TRAPPC8: variants seen among roughly 807,000 people sequenced by gnomAD.
TRAPPC8 encodes the protein trafficking protein particle complex subunit 8.
Under a neutral mutation model 174.3 loss-of-function variants are expected in TRAPPC8, and 54 were observed. The observed-to-expected ratio is 0.31, with a 90% CI of 0.25 to 0.39. TRAPPC8 has a LOEUF of 0.39. TRAPPC8 is among the 10% of genes least tolerant of loss of function. TRAPPC8 has a pLI of 1.00. For synonymous variants in TRAPPC8, 630 were observed against 579.9 expected, an observed-to-expected ratio of 1.09 and a Z score of -1.24; for missense variants, 1,531 against 1,699.1, an observed-to-expected ratio of 0.90 and a Z score of 1.74.
Position 31,933,020 on chromosome 18 carries a change from A to AAAAAAAAAG in TRAPPC8, c.158-1498_158-1497insCTTTTTTTT, listed in dbSNP as rs1568153937. 8.6e-4 allele frequency among the ~76,000 whole-genome samples: 111 copies of AAAAAAAAAG among 128,924 alleles called. 7 individuals are homozygous for AAAAAAAAAG. The highest frequency in any genetic ancestry group is 2.6e-3 in the African/African-American group (84 of 32,702). The allele number at this position is 128,924 out of a possible 152,430, so 84.6% of individuals were successfully genotyped here. ...CTCAAAAAAAAAAAAAAAAAAAAAA[A>AAAAAAAAAG]GCCGGGCGCAGTGGCTCACACCTGT... is the stretch of plus-strand genomic sequence containing the variant. On this transcript the variant is annotated intron_variant, in intron 1 of 28. Coordinates refer to ENST00000283351, the MANE Select transcript of TRAPPC8 (RefSeq NM_014939.5).
intron 21 of TRAPPC8, 132 bp downstream of exon 21, chr18:31,855,528 A>C: frequency 1.4e-6 from 1 of 700,742 alleles, no homozygotes; most frequent in South Asian, 2.2e-5. Context: ...ATGATTTCAT[A>C]CTATTCTACA....
chr18:31,853,914 A>T lies in TRAPPC8; in HGVS notation c.3368T>A (p.Val1123Glu). 6.2e-7 allele frequency: 1 copy of T among 1,611,372 alleles called. No individual in the cohort carries two copies. Among genetic ancestry groups the T allele is most frequent in the Non-Finnish European group, 8.5e-7 (1 of 1,179,542 alleles). Reference sequence around the variant, plus strand: ...GTGTTTGCTACTACTTGATACTTGCACTATGTGGAATTCCTTAACGCCTGC... The same window carrying T: ...GTGTTTGCTACTACTTGATACTTGCTCTATGTGGAATTCCTTAACGCCTGC... ...SEAGVKEFHI[V>E]QVSSSSKHWK... Residue 1123 changes from valine to glutamate, a missense_variant, in exon 22 of 29, where the codon GTG becomes GAG. Transcript: ENST00000283351.
At chr18:31,835,866 C>T (rs758996920) in intron 27 of TRAPPC8, among the ~76,000 whole-genome samples, 14 of 152,152 alleles carry the variant, frequency 9.2e-5, no homozygotes, top group Admixed American at 2.0e-4. Flanking sequence ...TTTTATACTC[C>T]GGAGACATGC....
chr18:31,919,719 G>C (rs2037305590), intron 2 of TRAPPC8, among the ~76,000 whole-genome samples: 1 of 151,666 alleles, frequency 6.6e-6, no homozygotes, highest in Non-Finnish European at 1.5e-5. Flanking sequence ...AAATTAGCCA[G>C]GTATTGTGAT....
intron 11 of TRAPPC8, 32 bp downstream of exon 11, chr18:31,897,754 T>G: frequency 7.1e-7 from 1 of 1,415,748 alleles, no homozygotes; most frequent in East Asian, 2.5e-5. Context: ...AGAACAATGC[T>G]AATTAAAGCA....
Position 31,846,768 on chromosome 18 carries a change from T to G in TRAPPC8, c.3785A>C (p.His1262Pro). The G allele has an allele frequency of 6.2e-7, 1 of 1,613,152 alleles. No homozygotes were observed. Among genetic ancestry groups the G allele is most frequent in the Non-Finnish European group, 8.5e-7 (1 of 1,179,338 alleles). The change falls in exon 26 of 29, where the codon CAT becomes CCT. Residue 1262 changes from histidine (H) to proline (P), a missense_variant. Coordinates refer to ENST00000283351, the MANE Select transcript of TRAPPC8 (RefSeq NM_014939.5). Reference sequence around the variant, plus strand: ...TTTTCCTATAGTGCGAAGAATAACATGATGTTGACCTTCCAAAATAAGCTG... The same window carrying G: ...TTTTCCTATAGTGCGAAGAATAACAGGATGTTGACCTTCCAAAATAAGCTG... ...SKQLILEGQHHVILRTIGKEA... is the reference protein window; with the variant it reads ...SKQLILEGQHPVILRTIGKEA...
intron 2 of TRAPPC8, among the ~76,000 whole-genome samples, chr18:31,918,374 C>T (rs1348874164): frequency 6.6e-6 from 1 of 152,136 alleles, no homozygotes; most frequent in African/African-American, 2.4e-5. Context: ...CCACTAGTCA[C>T]ACTGCCATAA....
chr18:31,861,271 A>C (rs930128290), intron 19 of TRAPPC8, among the ~76,000 whole-genome samples: 5 of 152,234 alleles, frequency 3.3e-5, no homozygotes, highest in African/African-American at 1.2e-4. Flanking sequence ...ATGTAGAATA[A>C]GAGGCCCTCT....
At chr18:31,854,936 A>G (rs561946611) in intron 21 of TRAPPC8, among the ~76,000 whole-genome samples, 159 of 128,690 alleles carry the variant, frequency 1.2e-3, no homozygotes, top group Non-Finnish European at 1.8e-3. Flanking sequence ...ACTGCACTCC[A>G]GTCTGGGCGA....
intron 6 of TRAPPC8, among the ~76,000 whole-genome samples, chr18:31,909,322 T>C (rs2036807542): frequency 6.6e-6 from 1 of 151,738 alleles, no homozygotes; most frequent in Non-Finnish European, 1.5e-5. Context: ...TAAGAAAAAA[T>C]ATAACAAAAA....
intron 1 of TRAPPC8, among the ~76,000 whole-genome samples, chr18:31,940,229 C>CA (rs772709058): frequency 6.6e-6 from 1 of 152,150 alleles, no homozygotes; most frequent in African/African-American, 2.4e-5. Flanking sequence ...GTAATCCCAG[C>CA]ACTTTGGGAG....
rs143686852 is a variant in TRAPPC8 at position 31,856,564 on chromosome 18, C to A, written c.3189-757G>T. Among the ~76,000 whole-genome samples, 1,231 of 152,108 alleles carry A rather than the reference C, an allele frequency of 8.1e-3. 22 individuals carry two copies. Among genetic ancestry groups the A allele is most frequent in the African/African-American group, 0.028 (1,181 of 41,496 alleles). ...TGGTTCTGAAGCTACTGAATGACTA[C>A]CAAATAAAGTTCAAACTTTAACCTG... On this transcript the variant is annotated intron_variant, in intron 20 of 28. Coordinates refer to ENST00000283351, the MANE Select transcript of TRAPPC8 (RefSeq NM_014939.5).
chr18:31,837,967 TAAA>T (rs35815014), intron 27 of TRAPPC8, among the ~76,000 whole-genome samples: 1 of 129,044 alleles, frequency 7.7e-6, no homozygotes, highest in Non-Finnish European at 1.6e-5. Flanking sequence ...AAAAATCACT[TAAA>T]AAAAAAAAAA....
chr18:31,893,042 C>T (rs1045507691), intron 11 of TRAPPC8, among the ~76,000 whole-genome samples: 3 of 140,618 alleles, frequency 2.1e-5, no homozygotes, highest in African/African-American at 7.8e-5. Flanking sequence ...AAAAAAAAAA[C>T]AACATCTTGT....
intron 25 of TRAPPC8, among the ~76,000 whole-genome samples, chr18:31,847,446 T>C (rs2033468157): frequency 6.6e-6 from 1 of 152,254 alleles, no homozygotes; most frequent in South Asian, 2.1e-4. Flanking sequence ...TATCACATTA[T>C]GTGCAAACAC....
At chr18:31,846,479 G>A (rs1490381637) in intron 26 of TRAPPC8, among the ~76,000 whole-genome samples, 1 of 152,078 alleles carries the variant, frequency 6.6e-6, no homozygotes, top group Admixed American at 6.6e-5. Flanking sequence ...AGAGGCTGAG[G>A]CCAGAGGATC....
chr18:31,838,007 T>C (rs1277173752), intron 27 of TRAPPC8, among the ~76,000 whole-genome samples: 1 of 151,426 alleles, frequency 6.6e-6, no homozygotes, highest in East Asian at 1.9e-4. Flanking sequence ...TCTTGCTGTT[T>C]TGCCCAGGCT....
At chr18:31,856,631 A>C (rs1277489427) in intron 20 of TRAPPC8, among the ~76,000 whole-genome samples, 1 of 152,044 alleles carries the variant, frequency 6.6e-6, no homozygotes. Context: ...TACATTTCAA[A>C]GGTTTCTTCC....
At position 31,874,529 on chromosome 18, in the gene TRAPPC8, G is replaced by A; in HGVS notation, c.1904C>T (p.Ser635Phe). 6.2e-7 allele frequency: 1 copy of A among 1,614,094 alleles called. No individual in the cohort carries two copies. The highest frequency in any genetic ancestry group is 8.5e-7 in the Non-Finnish European group (1 of 1,179,994). Residue 635 changes from serine to phenylalanine, a missense_variant, in exon 13 of 29, where the codon TCT becomes TTT. Coordinates refer to ENST00000283351, the MANE Select transcript of TRAPPC8 (RefSeq NM_014939.5). ...GAGGAAAGCCCCCTGTTGAGCAGCA[G>A]ATTGTTTACTTTCATTAATTAGAAT... is the stretch of plus-strand genomic sequence containing the variant. ...RHILINESKQ[S>F]AAQQGAFLRE...
Sources: allele counts gnomAD v4.1 joint callset (sites outside exome capture counted in the v4.1 genomes callset), GRCh38; gene constraint gnomAD v4.1.1; transcripts MANE v1.5; gene names NCBI Gene and HGNC (gene_info 2026-07-23, HGNC 2026-07-21).